CCND2: variants seen among roughly 807,000 people sequenced by gnomAD.
The protein encoded by CCND2 is cyclin D2.
CCND2 carries 6 observed loss-of-function variants against 30.2 expected under a neutral mutation model. The ratio of observed to expected loss-of-function variants is 0.20; its 90% confidence interval spans 0.11 to 0.39. The LOEUF is 0.39. Among genes scored for constraint, CCND2 ranks in the 10% least tolerant of loss-of-function variants. The pLI is 1.00. For missense variants in CCND2, 235 were observed against 373.4 expected, an observed-to-expected ratio of 0.63 and a Z score of 3.06; for synonymous variants, 150 against 153.1, an observed-to-expected ratio of 0.98 and a Z score of 0.15.
Position 4,288,924 on chromosome 12 carries a change from G to A in CCND2, c.654G>A (p.Glu218=), listed in dbSNP as rs1864059194. Residue 218 remains glutamate, a synonymous_variant, in exon 4 of 5, where the codon GAG becomes GAA. Coordinates refer to ENST00000261254, the MANE Select transcript of CCND2 (RefSeq NM_001759.4). The stretch of plus-strand genomic sequence containing the variant: ...CCATCTGTGGGCTCCAGCAGGATGA[G>A]GAAGTGAGCTCGCTCACTTGTGATG... The part of the protein sequence containing the change: ...GAAICGLQQD[E]EVSSLTCDAL... 1 of 1,613,766 alleles carries A rather than the reference G, an allele frequency of 6.2e-7. No homozygotes were observed.
In CCND2 at chr12:4,299,376, G is replaced by A. The variant is rs1591651468; in HGVS notation, c.721-484G>A. On this transcript the variant is annotated intron_variant, in intron 4 of 4. Transcript: ENST00000261254. The surrounding 1 kb of genome is among the most constrained non-coding windows in gnomAD (Gnocchi z 5.2). Reference sequence around the variant, plus strand: ...AAAAGTATTTACAGTTTATGTGAGGGTCAGTACGTTGGTTCATTGGCTTCC... The same window carrying A: ...AAAAGTATTTACAGTTTATGTGAGGATCAGTACGTTGGTTCATTGGCTTCC... Among the ~76,000 whole-genome samples the A allele has an allele frequency of 6.6e-6, 1 of 152,190 alleles. No individual in the cohort carries two copies. The highest frequency in any genetic ancestry group is 6.5e-5 in the Admixed American group (1 of 15,278).
rs1864217363 is a variant in CCND2 at position 4,299,384 on chromosome 12, G to A, written c.721-476G>A. ...TTACAGTTTATGTGAGGGTCAGTACGTTGGTTCATTGGCTTCCTTCTTATC... is the reference window on the plus strand; with the variant it reads ...TTACAGTTTATGTGAGGGTCAGTACATTGGTTCATTGGCTTCCTTCTTATC... On this transcript the variant is annotated intron_variant, in intron 4 of 4. Coordinates refer to ENST00000261254, the MANE Select transcript of CCND2 (RefSeq NM_001759.4). The surrounding 1 kb of genome is among the most constrained non-coding windows in gnomAD (Gnocchi z 5.2). 1.3e-5 allele frequency among the ~76,000 whole-genome samples: 2 copies of A among 152,182 alleles called. No homozygotes were observed. Among genetic ancestry groups the A allele is most frequent in the Admixed American group, 6.5e-5 (1 of 15,284 alleles).
At chr12:4,279,123 C>T (rs1591644972) in intron 3 of CCND2, among the ~76,000 whole-genome samples, 2 of 152,276 alleles carry the variant, frequency 1.3e-5, no homozygotes, top group East Asian at 3.9e-4. Flanking sequence ...CTGCTAAACT[C>T]ATAAATGGTT....
chr12:4,289,145 C>T, intron 4 of CCND2, 155 bp downstream of exon 4: 1 of 561,558 alleles, frequency 1.8e-6, no homozygotes, highest in Non-Finnish European at 2.9e-6. Context: ...AGGTGACACC[C>T]CCTCTTAAGG....
At position 4,293,827 on chromosome 12, in the gene CCND2, T is replaced by G. The variant is rs537089584; in HGVS notation, c.720+4837T>G. On this transcript the variant is annotated intron_variant, in intron 4 of 4. Transcript: ENST00000261254. This position sits in a 1 kb window ranked among gnomAD's most constrained non-coding sequence, Gnocchi z 4.9. Reference sequence around the variant, plus strand: ...CCACTGTTACAGATTCTGTCTTCTGTGGACTCTTCAGGGCCTGTGGTCAGG... The same window carrying G: ...CCACTGTTACAGATTCTGTCTTCTGGGGACTCTTCAGGGCCTGTGGTCAGG... 5.3e-5 allele frequency among the ~76,000 whole-genome samples: 8 copies of G among 152,236 alleles called. No individual in the cohort carries two copies. The highest frequency in any genetic ancestry group is 5.2e-4 in the Admixed American group (8 of 15,294).
At position 4,299,751 on chromosome 12, in the gene CCND2, C is replaced by T. The variant is rs3217919; in HGVS notation, c.721-109C>T. ...CTCCTTTACTTCACATTTATTTCTA[C>T]TGGAAACTAGCACAGACTTATGCAA... On this transcript the variant is annotated intron_variant, in intron 4 of 4. Transcript: ENST00000261254. This position sits in a 1 kb window ranked among gnomAD's most constrained non-coding sequence, Gnocchi z 5.2. 2.3e-3 allele frequency: 2,449 copies of T among 1,087,496 alleles called. 37 individuals are homozygous for T. In the African/African-American group the frequency reaches 0.034, roughly 15 times the overall value. The allele number at this position is 1,087,496 out of a possible 1,614,324, so 67.4% of individuals were successfully genotyped here.
chr12:4,289,091 G>T (rs1864061547), intron 4 of CCND2, 101 bp downstream of exon 4: 1 of 1,209,750 alleles, frequency 8.3e-7, no homozygotes, highest in Non-Finnish European at 1.1e-6. Context: ...TATTTTTCTG[G>T]TTTGTTTCCT....
In CCND2 at chr12:4,285,564, T is replaced by A. The variant is rs539829588; in HGVS notation, c.572-3278T>A. The A allele has an allele frequency of 3.2e-6, 1 of 313,896 alleles. No homozygotes were observed. The highest frequency in any genetic ancestry group is 1.2e-4 in the South Asian group (1 of 8,062). The allele number at this position is 313,896 out of a possible 1,614,324, so 19.4% of individuals were successfully genotyped here. A position where few individuals can be genotyped will look rare whatever the true frequency, so the allele number is the denominator to read the frequency against. Reference sequence around the variant, plus strand: ...TCATCCATAGGCATATATGTATGTATTTACCCATGGTTGTAATCTTCATCG... The same window carrying A: ...TCATCCATAGGCATATATGTATGTAATTACCCATGGTTGTAATCTTCATCG... On this transcript the variant is annotated intron_variant, in intron 3 of 4. Coordinates refer to ENST00000261254, the MANE Select transcript of CCND2 (RefSeq NM_001759.4). The surrounding 1 kb of genome is among the most constrained non-coding windows in gnomAD (Gnocchi z 4.1).
At position 4,301,361 on chromosome 12, in the gene CCND2, T is replaced by C. The variant is rs1864246215; in HGVS notation, c.*1352T>C. The C allele has an allele frequency of 4.3e-6, 1 of 233,474 alleles. No individual in the cohort carries two copies. The highest frequency in any genetic ancestry group is 2.2e-5 in the African/African-American group (1 of 45,378). The allele number at this position is 233,474 out of a possible 1,614,324, so 14.5% of individuals were successfully genotyped here. A position where few individuals can be genotyped will look rare whatever the true frequency, so the allele number is the denominator to read the frequency against. ...ATTTTGTTCCCTTTTCCGTTTTTTTTTTTTTATTGTTGTTGTTAATTTTAT... is the reference window on the plus strand; with the variant it reads ...ATTTTGTTCCCTTTTCCGTTTTTTTCTTTTTATTGTTGTTGTTAATTTTAT... On this transcript the variant is annotated 3_prime_UTR_variant, in exon 5 of 5. Transcript: ENST00000261254.
At position 4,299,915 on chromosome 12, in the gene CCND2, A is replaced by G. The variant is rs1400185708; in HGVS notation, c.776A>G (p.Gln259Arg). Residue 259 changes from glutamine (Q) to arginine (R), a missense_variant, in exon 5 of 5, where the codon CAG becomes CGG. Gln to Arg is a conservative substitution (Grantham distance 43, BLOSUM62 1). Coordinates refer to ENST00000261254, the MANE Select transcript of CCND2 (RefSeq NM_001759.4). The surrounding 1 kb of genome is among the most constrained non-coding windows in gnomAD (Gnocchi z 5.2). ...GAGGCGGTGCTCCTCAATAGCCTGCAGCAGTACCGTCAGGACCAACGTGAC... is the reference window on the plus strand; with the variant it reads ...GAGGCGGTGCTCCTCAATAGCCTGCGGCAGTACCGTCAGGACCAACGTGAC... The part of the protein sequence containing the change: ...QIEAVLLNSL[Q>R]QYRQDQRDGS... 2 of 1,614,210 alleles carry G rather than the reference A, an allele frequency of 1.2e-6. No individual in the cohort carries two copies. The highest frequency in any genetic ancestry group is 1.7e-6 in the Non-Finnish European group (2 of 1,180,014).
At position 4,287,714 on chromosome 12, in the gene CCND2, AT is replaced by A. The variant is rs1263276156; in HGVS notation, c.572-1126del. Among the ~76,000 whole-genome samples, 1 of 152,224 alleles carries A rather than the reference AT, an allele frequency of 6.6e-6. No homozygotes were observed. Among genetic ancestry groups the A allele is most frequent in the African/African-American group, 2.4e-5 (1 of 41,456 alleles). ...TGCATCTTCTGTGGCTGATGGGTAA[AT>A]TAAACAGGACGTAATGTGTAGCGTA... On this transcript the variant is annotated intron_variant, in intron 3 of 4. Transcript: ENST00000261254. This position sits in a 1 kb window ranked among gnomAD's most constrained non-coding sequence, Gnocchi z 4.0.
Position 4,300,065 on chromosome 12 carries a change from T to C in CCND2, c.*56T>C, listed in dbSNP as rs1864227508. The C allele has an allele frequency of 1.9e-5, 28 of 1,513,338 alleles. No homozygotes were observed. The highest frequency in any genetic ancestry group is 2.4e-5 in the Non-Finnish European group (27 of 1,122,254). The allele number at this position is 1,513,338 out of a possible 1,614,324, so 93.7% of individuals were successfully genotyped here. A position where few individuals can be genotyped will look rare whatever the true frequency, so the allele number is the denominator to read the frequency against. On this transcript the variant is annotated 3_prime_UTR_variant, in exon 5 of 5. Coordinates refer to ENST00000261254, the MANE Select transcript of CCND2 (RefSeq NM_001759.4). The stretch of plus-strand genomic sequence containing the variant: ...CGTCCATAATCTGGTCTCTTCTTCT[T>C]TCTGGTTGTTTTTGTTCTTTGTGTT...
chr12:4,278,869 T>C lies in CCND2; in HGVS notation c.521T>C (p.Leu174Pro), dbSNP rs1361440169. The change falls in exon 3 of 5, where the codon CTG becomes CCG. Residue 174 changes from leucine (L) to proline (P), a missense_variant. Around this residue, in one of 2 missense-constraint regions of CCND2, gnomAD observed 178 missense variants for 322.8 expected, o/e 0.55. Transcript: ENST00000261254. ...AAGCTGCCCCAGCAGCGGGAGAAGC[T>C]GTCTCTGATCCGCAAGCATGCTCAG... ...LRKLPQQREK[L>P]SLIRKHAQTF... 6.2e-7 allele frequency: 1 copy of C among 1,614,076 alleles called. No individual in the cohort carries two copies. Among genetic ancestry groups the C allele is most frequent in the African/African-American group, 1.3e-5 (1 of 74,956 alleles).
chr12:4,294,516 C>T (rs532173852), intron 4 of CCND2, among the ~76,000 whole-genome samples: 234 of 152,304 alleles, frequency 1.5e-3, no homozygotes, highest in African/African-American at 5.2e-3. Context: ...TGATTAGAGG[C>T]GCTTTCGTGT....
intron 2 of CCND2, 189 bp from the exon 3 acceptor site, chr12:4,278,571 G>A (rs561859381): frequency 2.1e-6 from 1 of 485,664 alleles, no homozygotes; most frequent in South Asian, 3.5e-5. Context: ...GACATTTGAA[G>A]CATAAGAAGA....
At position 4,287,988 on chromosome 12, in the gene CCND2, C is replaced by T. The variant is rs1293120577; in HGVS notation, c.572-854C>T. ...TCCCTGTAGCAAGTCACATTTTTTT[C>T]TCTTAGCAATAAAATGGGGCCTTCA... On this transcript the variant is annotated intron_variant, in intron 3 of 4. Coordinates refer to ENST00000261254, the MANE Select transcript of CCND2 (RefSeq NM_001759.4). The surrounding 1 kb of genome is among the most constrained non-coding windows in gnomAD (Gnocchi z 4.0). Among the ~76,000 whole-genome samples, 2 of 152,152 alleles carry T rather than the reference C, an allele frequency of 1.3e-5. No homozygotes were observed. Among genetic ancestry groups the T allele is most frequent in the African/African-American group, 2.4e-5 (1 of 41,430 alleles).
In CCND2 at chr12:4,301,353, G is replaced by GTT. The variant is rs34524099; in HGVS notation, c.*1356_*1357dup. On this transcript the variant is annotated 3_prime_UTR_variant, in exon 5 of 5. Coordinates refer to ENST00000261254, the MANE Select transcript of CCND2 (RefSeq NM_001759.4). Reference sequence around the variant, plus strand: ...GGTGTGGCATTTTGTTCCCTTTTCCGTTTTTTTTTTTTTATTGTTGTTGTT... The same window carrying GTT: ...GGTGTGGCATTTTGTTCCCTTTTCCGTTTTTTTTTTTTTTTATTGTTGTTGTT... 12,370 of 217,522 alleles carry GTT rather than the reference G, an allele frequency of 0.057. 715 individuals carry two copies. The highest frequency in any genetic ancestry group is 0.18 in the African/African-American group (7,817 of 43,610). 13.5% of individuals were successfully genotyped at this position (217,522 alleles called of 1,614,324 possible). A position where few individuals can be genotyped will look rare whatever the true frequency, so the allele number is the denominator to read the frequency against.
At chr12:4,284,725 T>C (rs1300604380) in intron 3 of CCND2, among the ~76,000 whole-genome samples, 3 of 146,846 alleles carry the variant, frequency 2.0e-5, no homozygotes, top group African/African-American at 7.6e-5. Flanking sequence ...TCCTTTCTTT[T>C]TTTTTTTCTT....
Position 4,288,855 on chromosome 12 carries a change from C to T in CCND2, c.585C>T (p.Ala195=). The T allele has an allele frequency of 6.2e-7, 1 of 1,612,670 alleles. No homozygotes were observed. Among genetic ancestry groups the T allele is most frequent in the Non-Finnish European group, 8.5e-7 (1 of 1,179,374 alleles). Reference sequence around the variant, plus strand: ...CATTCCTTGCAGACTTTAAGTTTGCCATGTACCCACCGTCGATGATCGCAA... The same window carrying T: ...CATTCCTTGCAGACTTTAAGTTTGCTATGTACCCACCGTCGATGATCGCAA... ...IALCATDFKF[A]MYPPSMIATG... Residue 195 remains alanine (A), a synonymous_variant, in exon 4 of 5, where the codon GCC becomes GCT. Transcript: ENST00000261254.
Sources: gnomAD v4.1 joint callset for allele counts (sites outside exome capture counted in the v4.1 genomes callset) on GRCh38, gnomAD v4.1.1 for gene constraint, gnomAD v4.1.1 regional missense constraint, Gnocchi (gnomAD v3.1) non-coding constraint, MANE v1.5 for transcripts, NCBI Gene and HGNC (gene_info 2026-07-23, HGNC 2026-07-21) for gene names.